Variants in VANGL1 observed in about 807,000 individuals in gnomAD.
The protein encoded by VANGL1 is VANGL planar cell polarity protein 1, also known as vang-like protein 1.
VANGL1 carries 18 observed loss-of-function variants against 48.4 expected under a neutral mutation model. The observed-to-expected ratio is 0.37, with a 90% confidence interval of 0.26 to 0.55. VANGL1 has a LOEUF of 0.55. Among genes scored for constraint, VANGL1 ranks in the 20% least tolerant of loss-of-function variants. The pLI is 0.81. For synonymous variants in VANGL1, 257 were observed against 261.8 expected (o/e 0.98, Z 0.18); for missense variants, 667 against 675.8 (o/e 0.99, Z 0.14).
intron 4 of VANGL1, among the ~76,000 whole-genome samples, chr1:115,675,312 G>A (rs1211049935): frequency 6.6e-6 from 1 of 152,114 alleles, no homozygotes; most frequent in African/African-American, 2.4e-5. Context: ...GCCAGCCTGA[G>A]CAACATGGTG....
chr1:115,662,265 C>T (rs1045483033), intron 3 of VANGL1, among the ~76,000 whole-genome samples: 24 of 152,098 alleles, frequency 1.6e-4, no homozygotes, highest in South Asian at 4.1e-4. Context: ...TGATGATGAG[C>T]GATGTCTGTC....
At chr1:115,657,432 C>T (rs1173826790) in intron 2 of VANGL1, among the ~76,000 whole-genome samples, 1 of 152,134 alleles carries the variant, frequency 6.6e-6, no homozygotes, top group Non-Finnish European at 1.5e-5. Context: ...ACTCTGTGAG[C>T]CTCAGTTTCC....
At position 115,694,216 on chromosome 1, in the gene VANGL1, G is replaced by T. The variant is rs1297557084; in HGVS notation, c.*2837G>T. ...GTTAAGTCAAATCTGTAATACTTTG[G>T]CTAAAATTCATAAAGTAAGCCCTAG... On this transcript the variant is annotated 3_prime_UTR_variant, in exon 8 of 8. Transcript: ENST00000355485. 6.6e-6 allele frequency: 1 copy of T among 152,112 alleles called. No homozygotes were observed. The highest frequency in any genetic ancestry group is 1.5e-5 in the Non-Finnish European group (1 of 68,016). The allele number at this position is 152,112 out of a possible 1,614,324, so 9.4% of individuals were successfully genotyped here.
At chr1:115,685,671 A>G (rs1157337853) in intron 7 of VANGL1, 144 bp downstream of exon 7, 3 of 907,730 alleles carry the variant, frequency 3.3e-6, no homozygotes, top group South Asian at 1.4e-5. Flanking sequence ...ATTCTCACTT[A>G]TTTTATGTTA....
chr1:115,683,110 A>G (rs1295043623), intron 5 of VANGL1, among the ~76,000 whole-genome samples: 1 of 152,154 alleles, frequency 6.6e-6, no homozygotes, highest in Admixed American at 6.5e-5. Flanking sequence ...AGTGATTTAT[A>G]TACAGTGTCA....
At position 115,696,128 on chromosome 1, in the gene VANGL1, C is replaced by T. The variant is rs1334661785; in HGVS notation, c.*4749C>T. ...CAGCCCCCCTTTGCTTTTGCCTGGC[C>T]CCACCTTCTGCTCCCACTCTGCTGG... On this transcript the variant is annotated 3_prime_UTR_variant, in exon 8 of 8. Transcript: ENST00000355485. 1 of 152,680 alleles carries T rather than the reference C, an allele frequency of 6.5e-6. No homozygotes were observed. Among genetic ancestry groups the T allele is most frequent in the Non-Finnish European group, 1.5e-5 (1 of 68,450 alleles). 9.5% of individuals were successfully genotyped at this position (152,680 alleles called of 1,614,324 possible).
intron 1 of VANGL1, among the ~76,000 whole-genome samples, chr1:115,650,083 G>A (rs1487849434): frequency 1.3e-5 from 2 of 152,194 alleles, no homozygotes; most frequent in African/African-American, 4.8e-5. Flanking sequence ...TAGAGGCTGT[G>A]GGGGCTGTAT....
intron 6 of VANGL1, among the ~76,000 whole-genome samples, chr1:115,684,677 C>G (rs150343345): frequency 1.6e-4 from 25 of 152,318 alleles, no homozygotes; most frequent in African/African-American, 6.0e-4. Flanking sequence ...CTAACAGATT[C>G]CTGCGTGATG....
chr1:115,697,569 A>G lies in VANGL1; in HGVS notation c.*6190A>G, dbSNP rs1323058331. The G allele has an allele frequency of 2.6e-5, 4 of 152,212 alleles. No homozygotes were observed. The highest frequency in any genetic ancestry group is 5.9e-5 in the Non-Finnish European group (4 of 68,048). The allele number at this position is 152,212 out of a possible 1,614,324, so 9.4% of individuals were successfully genotyped here. On this transcript the variant is annotated 3_prime_UTR_variant, in exon 8 of 8. Transcript: ENST00000355485. ...AGATACTGGCTCAGTGATTTAACTC[A>G]CATTATAGATGACCCCTTCCTCAAC...
chr1:115,678,715 G>C (rs530330046), intron 4 of VANGL1, among the ~76,000 whole-genome samples: 1 of 152,136 alleles, frequency 6.6e-6, no homozygotes, highest in African/African-American at 2.4e-5. Flanking sequence ...CAGAACTTTG[G>C]GAGGCCAAGG....
At chr1:115,655,822 A>G (rs1437304228) in intron 2 of VANGL1, among the ~76,000 whole-genome samples, 2 of 152,112 alleles carry the variant, frequency 1.3e-5, no homozygotes, top group Non-Finnish European at 2.9e-5. Context: ...ATCTGGAACT[A>G]CAGGGATGAG....
At chr1:115,672,469 G>C (rs1653014128) in intron 4 of VANGL1, among the ~76,000 whole-genome samples, 1 of 152,176 alleles carries the variant, frequency 6.6e-6, no homozygotes. Flanking sequence ...GGCCTCAGCA[G>C]CCACACAGAG....
At chr1:115,662,126 C>T (rs1357518702) in intron 3 of VANGL1, among the ~76,000 whole-genome samples, 2 of 152,160 alleles carry the variant, frequency 1.3e-5, no homozygotes, top group African/African-American at 4.8e-5. Flanking sequence ...GTAGGTGATA[C>T]TTCTGACTTT....
chr1:115,674,517 G>C (rs559886302), intron 4 of VANGL1, among the ~76,000 whole-genome samples: 5 of 152,182 alleles, frequency 3.3e-5, no homozygotes, highest in Non-Finnish European at 5.9e-5. Context: ...TCTAAAAGGA[G>C]ATCTTTGCAG....
chr1:115,663,763 G>C lies in VANGL1; in HGVS notation c.307G>C (p.Val103Leu), dbSNP rs147048524. 1.2e-6 allele frequency: 2 copies of C among 1,614,102 alleles called. No individual in the cohort carries two copies. The highest frequency in any genetic ancestry group is 1.7e-6 in the Non-Finnish European group (2 of 1,180,052). The change falls in exon 4 of 8, where the codon GTG becomes CTG. Residue 103 changes from valine (V) to leucine (L), a missense_variant. By Grantham distance (32) the Val-to-Leu change is conservative (BLOSUM62 1). Transcript: ENST00000355485. ...GATCAGCAAGGACATGGAGGACAGC[G>C]TGGGGCTGGATTGCAAACGCTACCT... is the stretch of plus-strand genomic sequence containing the variant. ...ARISKDMEDSVGLDCKRYLGL... is the reference protein window; with the variant it reads ...ARISKDMEDSLGLDCKRYLGL...
intron 2 of VANGL1, among the ~76,000 whole-genome samples, chr1:115,655,560 AAGAAAAACTCTCGT>A (rs1652315223): frequency 6.6e-6 from 1 of 152,192 alleles, no homozygotes; most frequent in Admixed American, 6.5e-5. Context: ...TAAAGATACG[AAGAAAAACTCTCGT>A]AGCTGACACA....
chr1:115,671,730 TGTGCCGCG>T (rs1300965541), intron 4 of VANGL1, among the ~76,000 whole-genome samples: 1 of 152,154 alleles, frequency 6.6e-6, no homozygotes, highest in Admixed American at 6.5e-5. Flanking sequence ...TGGCGAGGTT[TGTGCCGCG>T]GCCTACAAGC....
intron 3 of VANGL1, among the ~76,000 whole-genome samples, chr1:115,661,602 T>G (rs1432048683): frequency 1.3e-5 from 2 of 152,060 alleles, no homozygotes; most frequent in African/African-American, 4.8e-5. Flanking sequence ...GGATGGACAT[T>G]TGGGTTTTTT....
At chr1:115,655,501 C>T (rs948096647) in intron 2 of VANGL1, among the ~76,000 whole-genome samples, 5 of 152,324 alleles carry the variant, frequency 3.3e-5, no homozygotes, top group Admixed American at 2.0e-4. Flanking sequence ...CACAGATATA[C>T]TTATCTTTAC....
Sources: allele counts gnomAD v4.1 joint callset (sites outside exome capture counted in the v4.1 genomes callset), GRCh38; gene constraint gnomAD v4.1.1; transcripts MANE v1.5; gene names NCBI Gene and HGNC (gene_info 2026-07-23, HGNC 2026-07-21).